The following SGCZ variants were observed in gnomAD, a reference collection of about 807,000 sequenced individuals.
SGCZ encodes the protein zeta-sarcoglycan.
In SGCZ, 40 loss-of-function variants were observed where a neutral mutation model predicts 41.3. That is an observed-to-expected ratio of 0.97 (90% confidence interval 0.75 to 1.26). The LOEUF is 1.26. Among genes scored for constraint, SGCZ ranks in the 50% most tolerant of loss-of-function variants. The pLI is 0.00. For synonymous variants in SGCZ, 206 were observed against 137.5 expected, an observed-to-expected ratio of 1.50 and a Z score of -3.49; for missense variants, 552 against 369.8, an observed-to-expected ratio of 1.49 and a Z score of -4.04.
At position 15,236,175 on chromosome 8, in the gene SGCZ, T is replaced by C. The variant is rs577562245; in HGVS notation, c.39+1410A>G. ...TTCTAGGTCTTCTCACTGTCCTCCC[T>C]CCGTCCTGGACTGCATCTACAGTCA... On this transcript the variant is annotated intron_variant, in intron 1 of 7. Transcript: ENST00000382080. 4.2e-4 allele frequency among the ~76,000 whole-genome samples: 64 copies of C among 152,252 alleles called. 1 individual carries two copies. The highest frequency in any genetic ancestry group is 3.1e-3 in the East Asian group (16 of 5,158).
intron 1 of SGCZ, among the ~76,000 whole-genome samples, chr8:14,993,182 C>T (rs1802083509): frequency 6.6e-6 from 1 of 152,200 alleles, no homozygotes; most frequent in African/African-American, 2.4e-5. Flanking sequence ...GTTAGTCTGA[C>T]AGCCCTTTAA....
At chr8:14,801,692 A>G (rs1003665016) in intron 1 of SGCZ, among the ~76,000 whole-genome samples, 3 of 152,204 alleles carry the variant, frequency 2.0e-5, no homozygotes, top group Admixed American at 1.3e-4. Flanking sequence ...CAGAGACTAA[A>G]GGATAGAAAA....
intron 1 of SGCZ, among the ~76,000 whole-genome samples, chr8:14,836,928 T>C (rs544291895): frequency 6.6e-6 from 1 of 152,322 alleles, no homozygotes; most frequent in Admixed American, 6.5e-5. Flanking sequence ...AACCCACTTG[T>C]CCAGCTTTAA....
At chr8:15,202,537 A>G (rs770997394) in intron 1 of SGCZ, among the ~76,000 whole-genome samples, 4 of 152,142 alleles carry the variant, frequency 2.6e-5, no homozygotes, top group South Asian at 2.1e-4. Context: ...AAGACTACAC[A>G]TTGGGTACAA....
intron 1 of SGCZ, among the ~76,000 whole-genome samples, chr8:14,590,107 T>TAA (rs35104456): frequency 0.011 from 1,663 of 151,758 alleles, 42 homozygotes; most frequent in East Asian, 0.1. Context: ...TGTTCTTTGG[T>TAA]AAAAAAAAGA....
chr8:15,039,838 G>A (rs1804016903), intron 1 of SGCZ, among the ~76,000 whole-genome samples: 1 of 152,042 alleles, frequency 6.6e-6, no homozygotes. Context: ...TATGTGTATT[G>A]CACGTTATAC....
At chr8:14,286,778 T>G (rs1800648335) in intron 3 of SGCZ, among the ~76,000 whole-genome samples, 1 of 152,132 alleles carries the variant, frequency 6.6e-6, no homozygotes, top group Admixed American at 6.6e-5. Flanking sequence ...ACAGCAGTCT[T>G]TGAAAGTTTT....
At chr8:14,545,274 G>C (rs558840950) in intron 2 of SGCZ, among the ~76,000 whole-genome samples, 1 of 152,216 alleles carries the variant, frequency 6.6e-6, no homozygotes, top group East Asian at 1.9e-4. Context: ...AGAAAGGACA[G>C]TGATGCTATT....
At chr8:14,678,905 T>C (rs1465972850) in intron 1 of SGCZ, among the ~76,000 whole-genome samples, 2 of 152,166 alleles carry the variant, frequency 1.3e-5, no homozygotes, top group African/African-American at 4.8e-5. Flanking sequence ...TAAGTGCATA[T>C]TACTAAATGA....
intron 1 of SGCZ, among the ~76,000 whole-genome samples, chr8:14,834,742 C>A (rs868797615): frequency 2.6e-5 from 4 of 152,210 alleles, no homozygotes; most frequent in African/African-American, 9.6e-5. Context: ...CAGAGGGAAG[C>A]GTACAGAATA....
intron 1 of SGCZ, among the ~76,000 whole-genome samples, chr8:15,157,928 G>C (rs73529319): frequency 6.6e-6 from 1 of 152,048 alleles, no homozygotes; most frequent in Non-Finnish European, 1.5e-5. Flanking sequence ...TCAGGCCCTC[G>C]GCCTTCCGCA....
chr8:14,184,189 G>A (rs919702689), intron 4 of SGCZ, among the ~76,000 whole-genome samples: 12 of 149,154 alleles, frequency 8.0e-5, no homozygotes, highest in Non-Finnish European at 1.8e-4. Flanking sequence ...TTAAGAATAA[G>A]TACTGATTTT....
chr8:14,542,837 C>G (rs1320168100), intron 2 of SGCZ, among the ~76,000 whole-genome samples: 1 of 151,866 alleles, frequency 6.6e-6, no homozygotes. Flanking sequence ...TTTTAGATCT[C>G]TCTGCTAAGG....
At chr8:14,767,415 C>A (rs553697450) in intron 1 of SGCZ, among the ~76,000 whole-genome samples, 2 of 152,290 alleles carry the variant, frequency 1.3e-5, no homozygotes, top group Non-Finnish European at 2.9e-5. Flanking sequence ...AAACAGAAAT[C>A]TATCATTACT....
intron 1 of SGCZ, among the ~76,000 whole-genome samples, chr8:14,748,602 G>A (rs934459345): frequency 6.6e-5 from 10 of 152,180 alleles, no homozygotes; most frequent in Middle Eastern, 6.8e-3. Flanking sequence ...AATATATAAC[G>A]GAGCTTTACA....
intron 1 of SGCZ, among the ~76,000 whole-genome samples, chr8:14,807,760 C>A (rs924983257): frequency 1.8e-4 from 27 of 152,000 alleles, no homozygotes; most frequent in Non-Finnish European, 5.9e-5. Context: ...CAAAAAAGAG[C>A]CCGCATCACC....
intron 2 of SGCZ, among the ~76,000 whole-genome samples, chr8:14,396,621 A>G (rs189070303): frequency 2.2e-4 from 33 of 152,142 alleles, no homozygotes; most frequent in African/African-American, 7.7e-4. Context: ...ATTCTACCAC[A>G]TATTGCATCT....
intron 1 of SGCZ, among the ~76,000 whole-genome samples, chr8:14,642,805 A>T (rs535824351): frequency 6.6e-6 from 1 of 151,584 alleles, no homozygotes. Flanking sequence ...AATGGCACTG[A>T]CTTTTTGTAC....
At chr8:14,318,265 G>C (rs1801782400) in intron 3 of SGCZ, among the ~76,000 whole-genome samples, 1 of 151,704 alleles carries the variant, frequency 6.6e-6, no homozygotes. Flanking sequence ...AAAAGGAAGA[G>C]ATAGAGGAAG....
Sources: allele counts gnomAD v4.1 joint callset (sites outside exome capture counted in the v4.1 genomes callset), GRCh38; gene constraint gnomAD v4.1.1; transcripts MANE v1.5; gene names NCBI Gene and HGNC (gene_info 2026-07-23, HGNC 2026-07-21).